The following TNKS variants were observed in gnomAD, a reference collection of about 807,000 sequenced individuals.
TNKS encodes the protein poly [ADP-ribose] polymerase tankyrase-1.
TNKS carries 72 observed loss-of-function variants against 135.8 expected under a neutral mutation model. The observed-to-expected ratio is 0.53, with a 90% CI of 0.44 to 0.64. The LOEUF (loss-of-function observed/expected upper bound fraction) is 0.64. Ranked by LOEUF, TNKS falls within the 30% of genes least tolerant of loss-of-function variation. TNKS has a pLI of 0.00. For missense variants in TNKS, 1,769 were observed against 1,674.0 expected, an observed-to-expected ratio of 1.06 and a Z score of -0.99; for synonymous variants, 849 against 649.3, an observed-to-expected ratio of 1.31 and a Z score of -4.68.
At chr8:9,774,230 A>G (rs1410067250) in intron 26 of TNKS, among the ~76,000 whole-genome samples, 1 of 152,214 alleles carries the variant, frequency 6.6e-6, no homozygotes, top group Non-Finnish European at 1.5e-5. Flanking sequence ...CAGAGATTTC[A>G]GCTACTTTAC....
At chr8:9,676,244 C>T (rs1802528223) in intron 3 of TNKS, among the ~76,000 whole-genome samples, 1 of 151,956 alleles carries the variant, frequency 6.6e-6, no homozygotes, top group Non-Finnish European at 1.5e-5. Context: ...AACTCCTGAC[C>T]TCAGGTGATC....
intron 1 of TNKS, among the ~76,000 whole-genome samples, chr8:9,562,760 C>T (rs1331239181): frequency 6.6e-6 from 1 of 151,916 alleles, no homozygotes; most frequent in Non-Finnish European, 1.5e-5. Flanking sequence ...CAAGGACCTG[C>T]TAAGAGCTGT....
intron 17 of TNKS, chr8:9,741,836 C>T (rs375274607): frequency 4.2e-5 from 15 of 354,594 alleles, no homozygotes; most frequent in South Asian, 2.0e-4. Context: ...GTAATGCAAT[C>T]GGTCTCCTGA....
chr8:9,610,011 C>T (rs908197227), intron 2 of TNKS, among the ~76,000 whole-genome samples: 1 of 152,092 alleles, frequency 6.6e-6, no homozygotes, highest in Admixed American at 6.5e-5. Context: ...GCGCCCGCCA[C>T]CACGCCTGGC....
chr8:9,733,026 G>A (rs967672728), intron 14 of TNKS, among the ~76,000 whole-genome samples: 6 of 152,114 alleles, frequency 3.9e-5, no homozygotes, highest in African/African-American at 1.4e-4. Context: ...ATAAAGATAA[G>A]GATTGCTGTG....
chr8:9,764,156 T>A (rs1323918387), intron 22 of TNKS, among the ~76,000 whole-genome samples: 1 of 152,082 alleles, frequency 6.6e-6, no homozygotes, highest in Non-Finnish European at 1.5e-5. Context: ...TCTGAGAAAC[T>A]TAGATCTTTA....
intron 3 of TNKS, among the ~76,000 whole-genome samples, chr8:9,646,109 C>G (rs1297586291): frequency 2.6e-5 from 4 of 152,108 alleles, no homozygotes; most frequent in African/African-American, 7.2e-5. Flanking sequence ...TTATCATTAT[C>G]CATTTGGGCT....
intron 3 of TNKS, among the ~76,000 whole-genome samples, chr8:9,619,029 G>A (rs1419480422): frequency 6.6e-6 from 1 of 152,162 alleles, no homozygotes; most frequent in Non-Finnish European, 1.5e-5. Flanking sequence ...ATTCCCTAGT[G>A]TTTCACATTT....
At chr8:9,766,215 A>ATCTT (rs781609507) in intron 24 of TNKS, 24 bp from the exon 25 acceptor site, 9 of 1,584,804 alleles carry the variant, frequency 5.7e-6, no homozygotes, top group African/African-American at 1.4e-5. Flanking sequence ...TCAAAAACGA[A>ATCTT]TCTTTCTGTC....
At chr8:9,585,698 G>A (rs188601658) in intron 2 of TNKS, among the ~76,000 whole-genome samples, 97 of 152,272 alleles carry the variant, frequency 6.4e-4, no homozygotes, top group African/African-American at 2.2e-3. Context: ...TCAAGCAAGT[G>A]ACATTACATT....
intron 3 of TNKS, among the ~76,000 whole-genome samples, chr8:9,664,649 A>G (rs905525473): frequency 6.6e-6 from 1 of 152,272 alleles, no homozygotes; most frequent in Non-Finnish European, 1.5e-5. Context: ...CACAGTACAT[A>G]TACAGGTAAT....
intron 2 of TNKS, among the ~76,000 whole-genome samples, chr8:9,591,198 C>T (rs570307342): frequency 3.3e-5 from 5 of 152,244 alleles, no homozygotes; most frequent in African/African-American, 1.2e-4. Flanking sequence ...AATTTACTCC[C>T]TTTCGTGTAT....
intron 1 of TNKS, chr8:9,575,360 A>G: frequency 1.0e-6 from 1 of 984,246 alleles, no homozygotes; most frequent in Non-Finnish European, 1.2e-6. Context: ...TACAGGTGTG[A>G]GCCACCGCGC....
At chr8:9,680,013 G>A (rs755263691) in intron 4 of TNKS, 26 bp downstream of exon 4, 1 of 1,580,800 alleles carries the variant, frequency 6.3e-7, no homozygotes, top group African/African-American at 1.3e-5. Context: ...CATTTTAAGT[G>A]TATATAATGC....
chr8:9,771,114 A>G (rs1029563943), intron 26 of TNKS, among the ~76,000 whole-genome samples: 3 of 151,598 alleles, frequency 2.0e-5, no homozygotes, highest in Non-Finnish European at 4.4e-5. Flanking sequence ...ATATGAGAGA[A>G]AGAGAAACCA....
At chr8:9,608,514 C>T (rs1056810693) in intron 2 of TNKS, among the ~76,000 whole-genome samples, 3 of 152,150 alleles carry the variant, frequency 2.0e-5, no homozygotes, top group South Asian at 2.1e-4. Flanking sequence ...TAGCACCTTG[C>T]GACCTCTACT....
At chr8:9,575,539 T>A in intron 1 of TNKS, 1 of 483,778 alleles carries the variant, frequency 2.1e-6, no homozygotes, top group Non-Finnish European at 2.7e-6. Flanking sequence ...ACAAGTTATT[T>A]AAATATCTAA....
chr8:9,709,702 T>G lies in TNKS; in HGVS notation c.1579-253T>G, dbSNP rs146108444. Among the ~76,000 whole-genome samples, 139 of 152,346 alleles carry G rather than the reference T, an allele frequency of 9.1e-4. 1 individual carries two copies. The highest frequency in any genetic ancestry group is 3.1e-3 in the African/African-American group (130 of 41,590). ...GAATATATAGTGAATATTTATTGAT[T>G]GGCTAAGCCAAAAGAAATAAGATCT... On this transcript the variant is annotated intron_variant, in intron 9 of 26. Coordinates refer to ENST00000310430, the MANE Select transcript of TNKS (RefSeq NM_003747.3).
intron 2 of TNKS, among the ~76,000 whole-genome samples, chr8:9,593,839 C>T (rs1057238009): frequency 6.6e-6 from 1 of 151,738 alleles, no homozygotes; most frequent in African/African-American, 2.4e-5. Context: ...GTTCAACTGC[C>T]TTTGGTACAT....
Sources: gnomAD v4.1 joint callset for allele counts (sites outside exome capture counted in the v4.1 genomes callset) on GRCh38, gnomAD v4.1.1 for gene constraint, MANE v1.5 for transcripts, NCBI Gene and HGNC (gene_info 2026-07-23, HGNC 2026-07-21) for gene names.